Variants in SFXN2 observed in about 807,000 individuals in gnomAD.
SFXN2 encodes sideroflexin-2.
SFXN2 carries 37 observed loss-of-function variants against 41.9 expected under a neutral mutation model. The observed-to-expected ratio is 0.88, with a 90% CI of 0.68 to 1.16. The LOEUF (loss-of-function observed/expected upper bound fraction) is 1.16, where lower values mean the gene tolerates loss of function less well. Ranked by LOEUF, SFXN2 falls within the 50% of genes most tolerant of loss-of-function variation. The pLI is 0.00. For missense variants in SFXN2, 386 were observed against 425.2 expected, an observed-to-expected ratio of 0.91 and a Z score of 0.81; for synonymous variants, 150 against 156.7, an observed-to-expected ratio of 0.96 and a Z score of 0.32.
intron 6 of SFXN2, among the ~76,000 whole-genome samples, chr10:102,730,857 G>T (rs2064691443): frequency 1.3e-5 from 2 of 152,220 alleles, no homozygotes; most frequent in Admixed American, 6.5e-5. Flanking sequence ...GGAGGCTGAG[G>T]TGGGCGGATC....
At chr10:102,729,609 ATG>A in intron 5 of SFXN2, 112 bp from the exon 6 acceptor site, 1 of 1,202,332 alleles carries the variant, frequency 8.3e-7, no homozygotes, top group Non-Finnish European at 1.2e-6. Context: ...GGGTGTCTGG[ATG>A]TGTGGCGGTA....
At chr10:102,724,858 C>A (rs547388602) in intron 1 of SFXN2, 1 of 150,710 alleles carries the variant, frequency 6.6e-6, no homozygotes, top group East Asian at 1.9e-4. Context: ...TCTGATAATT[C>A]TAAAATCTCA....
In SFXN2 at chr10:102,729,223, G is replaced by A. The variant is rs374890534; in HGVS notation, c.432-96G>A. ...GGGACAGATCCTGTGCGGTTTTCAC[G>A]CACGAAGCCTCGCCAGCCGACTTTC... On this transcript the variant is annotated intron_variant, in intron 4 of 11. Coordinates refer to ENST00000369893, the MANE Select transcript of SFXN2 (RefSeq NM_178858.6). The A allele has an allele frequency of 4.3e-6, 5 of 1,163,604 alleles. No individual in the cohort carries two copies. In the South Asian group the frequency reaches 5.2e-5, roughly 12 times the overall value. 72.1% of individuals were successfully genotyped at this position (1,163,604 alleles called of 1,614,324 possible).
intron 1 of SFXN2, among the ~76,000 whole-genome samples, chr10:102,721,522 C>T (rs919609722): frequency 1.4e-5 from 2 of 146,456 alleles, no homozygotes; most frequent in Non-Finnish European, 3.0e-5. Flanking sequence ...TATATTTAAA[C>T]GTAATTCATG....
intron 1 of SFXN2, among the ~76,000 whole-genome samples, chr10:102,723,377 G>A (rs1440738323): frequency 2.0e-5 from 3 of 151,400 alleles, no homozygotes; most frequent in South Asian, 2.1e-4. Context: ...TCAGCCTCCC[G>A]AATTGCTGAG....
chr10:102,727,231 T>G, intron 3 of SFXN2, 74 bp downstream of exon 3: 2 of 1,469,046 alleles, frequency 1.4e-6, no homozygotes, highest in Non-Finnish European at 1.8e-6. Context: ...ACTATGATAA[T>G]AATAATAGTT....
intron 1 of SFXN2, among the ~76,000 whole-genome samples, chr10:102,720,291 CAAAAAAA>C (rs56006729): frequency 4.1e-5 from 2 of 48,788 alleles, no homozygotes; most frequent in Non-Finnish European, 6.7e-5. Context: ...GACTCCCTCT[CAAAAAAA>C]AAAAAAAAAA....
Position 102,732,136 on chromosome 10 carries a change from T to C in SFXN2, c.655-16T>C. The stretch of plus-strand genomic sequence containing the variant: ...GGATACATCATTTCTGACAACTTAC[T>C]ATTTTCTGCCCTCAGAGAGCTGCGG... On this transcript the variant is annotated splice_polypyrimidine_tract_variant and intron_variant, in intron 7 of 11. Transcript: ENST00000369893. 6.2e-7 allele frequency: 1 copy of C among 1,611,720 alleles called. No homozygotes were observed. The highest frequency in any genetic ancestry group is 8.5e-7 in the Non-Finnish European group (1 of 1,178,672).
chr10:102,726,044 G>T (rs559682435), intron 1 of SFXN2, among the ~76,000 whole-genome samples: 2 of 152,156 alleles, frequency 1.3e-5, no homozygotes, highest in Admixed American at 1.3e-4. Flanking sequence ...CTGCCTCCTG[G>T]GTTCAAGCAA....
chr10:102,726,125 T>C (rs899458367), intron 1 of SFXN2, among the ~76,000 whole-genome samples: 3 of 152,038 alleles, frequency 2.0e-5, no homozygotes, highest in Non-Finnish European at 4.4e-5. Flanking sequence ...CATTTTTGTA[T>C]TTTTAGTAGA....
intron 1 of SFXN2, among the ~76,000 whole-genome samples, chr10:102,722,324 C>T (rs1178468573): frequency 2.6e-5 from 4 of 152,198 alleles, no homozygotes; most frequent in South Asian, 2.1e-4. Context: ...TCAAATAACA[C>T]TATACCACTG....
chr10:102,718,176 A>G (rs2064445947), intron 1 of SFXN2, among the ~76,000 whole-genome samples: 1 of 152,270 alleles, frequency 6.6e-6, no homozygotes, highest in Non-Finnish European at 1.5e-5. Flanking sequence ...CTCTTGCATA[A>G]TTAGCAAATG....
At chr10:102,728,311 A>G in intron 3 of SFXN2, 120 bp from the exon 4 acceptor site, 1 of 781,684 alleles carries the variant, frequency 1.3e-6, no homozygotes, top group Non-Finnish European at 2.2e-6. Context: ...AAAAATAAAA[A>G]TAAAAAACTA....
chr10:102,733,147 G>A, intron 9 of SFXN2, among the ~76,000 whole-genome samples: 1 of 151,968 alleles, frequency 6.6e-6, no homozygotes, highest in South Asian at 2.1e-4. Flanking sequence ...CTTGCCTGTG[G>A]GTTTTTCTTT....
chr10:102,737,884 G>A lies in SFXN2; in HGVS notation c.*122G>A. 1.6e-6 allele frequency: 1 copy of A among 641,788 alleles called. No homozygotes were observed. Among genetic ancestry groups the A allele is most frequent in the South Asian group, 2.0e-5 (1 of 49,216 alleles). 39.8% of individuals were successfully genotyped at this position (641,788 alleles called of 1,614,324 possible). A position where few individuals can be genotyped will look rare whatever the true frequency, so the allele number is the denominator to read the frequency against. On this transcript the variant is annotated 3_prime_UTR_variant, in exon 12 of 12. Transcript: ENST00000369893. ...GCCTGAAGGCCAGGGTAGATTGGGG[G>A]GTGGGACAATGAATGCCTCATACTT...
chr10:102,720,468 C>T (rs2064493574), intron 1 of SFXN2, among the ~76,000 whole-genome samples: 2 of 151,784 alleles, frequency 1.3e-5, no homozygotes, highest in South Asian at 2.1e-4. Flanking sequence ...ACTAGCCGGG[C>T]ATGTTGGCAC....
At chr10:102,729,840 C>A (rs1416725190) in intron 6 of SFXN2, 32 bp downstream of exon 6, 2 of 1,610,152 alleles carry the variant, frequency 1.2e-6, no homozygotes, top group African/African-American at 1.3e-5. Context: ...TCCCTACAAA[C>A]CACAAGATTA....
At chr10:102,730,059 G>A (rs562966622) in intron 6 of SFXN2, among the ~76,000 whole-genome samples, 3 of 152,242 alleles carry the variant, frequency 2.0e-5, no homozygotes, top group African/African-American at 7.2e-5. Context: ...GGAAAGACAG[G>A]GTGGACCTGT....
intron 3 of SFXN2, 60 bp from the exon 4 acceptor site, chr10:102,728,371 C>A: frequency 7.5e-7 from 1 of 1,333,614 alleles, no homozygotes; most frequent in Non-Finnish European, 1.1e-6. Flanking sequence ...GACTGGCATA[C>A]CCTCAGGACT....
Sources: allele counts gnomAD v4.1 joint callset (sites outside exome capture counted in the v4.1 genomes callset), GRCh38; gene constraint gnomAD v4.1.1; transcripts MANE v1.5; gene names NCBI Gene and HGNC (gene_info 2026-07-23, HGNC 2026-07-21).